The following PRKG1 variants were observed in gnomAD, a reference collection of about 807,000 sequenced individuals.
PRKG1 encodes cGMP-dependent protein kinase 1.
In PRKG1, 35 loss-of-function variants were observed where a neutral mutation model predicts 88.1. The ratio of observed to expected loss-of-function variants is 0.40; its 90% CI spans 0.30 to 0.53. The LOEUF is 0.53. Among genes scored for constraint, PRKG1 ranks in the 20% least tolerant of loss-of-function variants. The pLI, the probability that PRKG1 is intolerant of heterozygous loss-of-function variation, is 0.59. For synonymous variants in PRKG1, 303 were observed against 292.5 expected, an observed-to-expected ratio of 1.04 and a Z score of -0.37; for missense variants, 540 against 839.8, an observed-to-expected ratio of 0.64 and a Z score of 4.41.
chr10:51,841,886 C>G (rs898356482), intron 4 of PRKG1, among the ~76,000 whole-genome samples: 10 of 152,110 alleles, frequency 6.6e-5, no homozygotes, highest in African/African-American at 2.4e-4. Flanking sequence ...TTTTACCACG[C>G]TGGCCAGGCT....
At chr10:51,909,356 A>G (rs1842163397) in intron 5 of PRKG1, 1 of 152,216 alleles carries the variant, frequency 6.6e-6, no homozygotes, top group Non-Finnish European at 1.5e-5. Flanking sequence ...GCGGATGAAT[A>G]CAAGGCAGAA....
chr10:51,657,567 T>C (rs963726092), intron 3 of PRKG1, among the ~76,000 whole-genome samples: 1 of 152,176 alleles, frequency 6.6e-6, no homozygotes, highest in Admixed American at 6.6e-5. Flanking sequence ...GAAGGTTTTG[T>C]AGTAAAGTGC....
At chr10:51,723,468 G>C (rs1362613059) in intron 3 of PRKG1, among the ~76,000 whole-genome samples, 1 of 152,150 alleles carries the variant, frequency 6.6e-6, no homozygotes, top group Admixed American at 6.5e-5. Context: ...AACAGGGCCT[G>C]TCAGTGGGTA....
At chr10:51,950,532 C>A (rs116056786) in intron 5 of PRKG1, among the ~76,000 whole-genome samples, 1 of 152,236 alleles carries the variant, frequency 6.6e-6, no homozygotes, top group Admixed American at 6.5e-5. Flanking sequence ...GAAGGGAGCA[C>A]GTGAGTGAGC....
At chr10:52,280,718 G>GAAA in intron 12 of PRKG1, 71 bp from the exon 13 acceptor site, 1 of 1,390,784 alleles carries the variant, frequency 7.2e-7, no homozygotes, top group Non-Finnish European at 9.8e-7. Context: ...AGTGAAATGA[G>GAAA]AAAAAAAAAA....
intron 3 of PRKG1, among the ~76,000 whole-genome samples, chr10:51,649,967 G>A (rs1840000130): frequency 6.6e-6 from 1 of 152,158 alleles, no homozygotes; most frequent in African/African-American, 2.4e-5. Flanking sequence ...CCTTTTTAGT[G>A]AAGAGTCCTG....
intron 3 of PRKG1, among the ~76,000 whole-genome samples, chr10:51,624,358 T>C (rs865853583): frequency 2.3e-4 from 35 of 152,224 alleles, no homozygotes; most frequent in African/African-American, 8.2e-4. Context: ...AATTAAGCTT[T>C]CTTTTCTGTA....
At chr10:52,111,940 C>G (rs1847574378) in intron 7 of PRKG1, among the ~76,000 whole-genome samples, 1 of 152,166 alleles carries the variant, frequency 6.6e-6, no homozygotes, top group South Asian at 2.1e-4. Flanking sequence ...TAGTGCCTGT[C>G]TTTAAATAAA....
At chr10:51,178,951 T>C (rs1436988058) in intron 2 of PRKG1, among the ~76,000 whole-genome samples, 1 of 152,196 alleles carries the variant, frequency 6.6e-6, no homozygotes, top group African/African-American at 2.4e-5. Context: ...TAAGAGAGCT[T>C]AATGCAGTAA....
intron 4 of PRKG1, among the ~76,000 whole-genome samples, chr10:51,811,342 G>A (rs1395902965): frequency 6.6e-6 from 1 of 151,982 alleles, no homozygotes; most frequent in Non-Finnish European, 1.5e-5. Context: ...AATTTCTAAA[G>A]CCCTTACAAG....
chr10:51,040,470 C>T (rs188249801), intron 1 of PRKG1, among the ~76,000 whole-genome samples: 1 of 151,652 alleles, frequency 6.6e-6, no homozygotes. Context: ...AGGTGCCCTC[C>T]AATACACCTG....
At chr10:52,015,873 T>C (rs545937313) in intron 5 of PRKG1, among the ~76,000 whole-genome samples, 80 of 152,324 alleles carry the variant, frequency 5.3e-4, no homozygotes, top group Non-Finnish European at 9.0e-4. Context: ...CCAGTGTCTT[T>C]GCTAAAGCAT....
chr10:52,098,406 T>A (rs1489180290), intron 7 of PRKG1, among the ~76,000 whole-genome samples: 2 of 152,194 alleles, frequency 1.3e-5, no homozygotes, highest in Non-Finnish European at 2.9e-5. Context: ...TTTATAGCAA[T>A]AACCTGAATA....
At chr10:51,375,737 A>C (rs1249405906) in intron 2 of PRKG1, among the ~76,000 whole-genome samples, 1 of 149,502 alleles carries the variant, frequency 6.7e-6, no homozygotes, top group African/African-American at 2.5e-5. Context: ...ATAAATATAT[A>C]ATATGAGTGT....
intron 1 of PRKG1, among the ~76,000 whole-genome samples, chr10:51,049,007 G>T (rs1843525929): frequency 6.6e-6 from 1 of 152,084 alleles, no homozygotes; most frequent in Non-Finnish European, 1.5e-5. Context: ...CCCATTGTGG[G>T]TTTGCTGGGG....
intron 7 of PRKG1, among the ~76,000 whole-genome samples, chr10:52,118,838 T>C (rs766063600): frequency 6.6e-5 from 10 of 152,092 alleles, no homozygotes; most frequent in Non-Finnish European, 1.3e-4. Context: ...TAAGATGAAA[T>C]AGGAAATATG....
At chr10:51,660,202 G>T (rs1840264047) in intron 3 of PRKG1, among the ~76,000 whole-genome samples, 1 of 151,440 alleles carries the variant, frequency 6.6e-6, no homozygotes. Context: ...ACACAGGAAG[G>T]CTGAACAAGA....
chr10:52,110,430 A>G (rs1453474726), intron 7 of PRKG1, among the ~76,000 whole-genome samples: 1 of 152,044 alleles, frequency 6.6e-6, no homozygotes, highest in African/African-American at 2.4e-5. Context: ...GAACATGCCC[A>G]TCACATATTT....
intron 2 of PRKG1, among the ~76,000 whole-genome samples, chr10:51,349,737 C>T (rs1424512904): frequency 6.6e-6 from 1 of 152,022 alleles, no homozygotes; most frequent in East Asian, 1.9e-4. Flanking sequence ...AAACTCCTGA[C>T]CTCAAGTGAT....
Sources: allele counts gnomAD v4.1 joint callset (sites outside exome capture counted in the v4.1 genomes callset), GRCh38; gene constraint gnomAD v4.1.1; transcripts MANE v1.5; gene names NCBI Gene and HGNC (gene_info 2026-07-23, HGNC 2026-07-21).